Variants in ASPM observed in about 807,000 individuals in gnomAD.
ASPM encodes abnormal spindle-like microcephaly-associated protein.
A neutral mutation model predicts 366.4 loss-of-function variants in ASPM; 256 were observed. That is an observed-to-expected ratio of 0.70 (90% CI 0.63 to 0.77). ASPM has a LOEUF of 0.77. ASPM is among the 30% of genes least tolerant of loss of function. The probability of loss-of-function intolerance (pLI) is 0.00; values close to 1 mark genes in which losing one functional copy is unlikely to be tolerated. For synonymous variants in ASPM, 1,414 were observed against 1,342.9 expected, an observed-to-expected ratio of 1.05 and a Z score of -1.16; for missense variants, 4,146 against 4,090.4, an observed-to-expected ratio of 1.01 and a Z score of -0.37.
chr1:197,110,962 T>C (rs1185486333), intron 17 of ASPM, among the ~76,000 whole-genome samples: 1 of 152,046 alleles, frequency 6.6e-6, no homozygotes, highest in Non-Finnish European at 1.5e-5. Context: ...GACTTAAATG[T>C]AAGACCCAAA....
intron 7 of ASPM, 70 bp from the exon 8 acceptor site, chr1:197,130,126 T>C: frequency 6.7e-7 from 1 of 1,503,514 alleles, no homozygotes; most frequent in Non-Finnish European, 9.2e-7. Flanking sequence ...GACTGAGGAA[T>C]GGCAGACCAT....
At position 197,105,686 on chromosome 1, in the gene ASPM, A is replaced by G. The variant is rs186745669; in HGVS notation, c.4066-501T>C. Among the ~76,000 whole-genome samples, 36 of 152,128 alleles carry G rather than the reference A, an allele frequency of 2.4e-4. No homozygotes were observed. The East Asian group carries it at 6.8e-3, about 29-fold the overall frequency. ...AGGAATTTAGGAATAAATAAACCAGATCACTCTCAGAGTCATTATTTTCAT... is the reference window on the plus strand; with the variant it reads ...AGGAATTTAGGAATAAATAAACCAGGTCACTCTCAGAGTCATTATTTTCAT... On this transcript the variant is annotated intron_variant, in intron 17 of 27. Coordinates refer to ENST00000367409, the MANE Select transcript of ASPM (RefSeq NM_018136.5).
In ASPM at chr1:197,103,885, T is replaced by C; in HGVS notation, c.5366A>G (p.Lys1789Arg). 6.2e-7 allele frequency: 1 copy of C among 1,612,894 alleles called. No individual in the cohort carries two copies. The highest frequency in any genetic ancestry group is 8.5e-7 in the Non-Finnish European group (1 of 1,179,288). The part of the protein sequence containing the change: ...IVIQNYYHAY[K>R]AQVNQRKNFL... ...GTTCTTCCTCTGATTGACCTGTGCT[T>C]TGTATGCATGATAGTAATTCTGAAT... The change falls in exon 18 of 28, where the codon AAA becomes AGA. Residue 1789 changes from lysine (K) to arginine (R), a missense_variant. Physicochemically the swap from Lys to Arg is conservative, Grantham distance 26 (BLOSUM62 2). Coordinates refer to ENST00000367409, the MANE Select transcript of ASPM (RefSeq NM_018136.5).
chr1:197,109,569 T>C (rs1657524964), intron 17 of ASPM, among the ~76,000 whole-genome samples: 1 of 152,060 alleles, frequency 6.6e-6, no homozygotes, highest in Non-Finnish European at 1.5e-5. Flanking sequence ...AGATATTGAA[T>C]CTTACCACTC....
At chr1:197,097,380 G>A (rs1657013543) in intron 18 of ASPM, among the ~76,000 whole-genome samples, 1 of 151,694 alleles carries the variant, frequency 6.6e-6, no homozygotes, top group African/African-American at 2.4e-5. Context: ...TTGACTCTTT[G>A]TTCAGGGCTC....
At chr1:197,131,821 A>G (rs2125108667) in intron 7 of ASPM, among the ~76,000 whole-genome samples, 1 of 150,560 alleles carries the variant, frequency 6.6e-6, no homozygotes, top group South Asian at 2.1e-4. Flanking sequence ...AGTCTCCCAA[A>G]GTGCTCGGAT....
chr1:197,111,951 G>A (rs1657599856), intron 17 of ASPM, among the ~76,000 whole-genome samples: 1 of 152,128 alleles, frequency 6.6e-6, no homozygotes, highest in South Asian at 2.1e-4. Context: ...AAGACAGTGT[G>A]GTGATTTCTC....
rs377516797 is a variant in ASPM at position 197,102,708 on chromosome 1, T to A, written c.6543A>T (p.Arg2181Ser). The change falls in exon 18 of 28, where the codon AGA becomes AGT. Residue 2181 changes from arginine to serine, a missense_variant. By Grantham distance (110) the Arg-to-Ser change is moderately radical (BLOSUM62 -1). This residue lies in a region of ASPM where 3,624 missense variants were observed against 3,591.7 expected (regional missense o/e 1.01). Coordinates refer to ENST00000367409, the MANE Select transcript of ASPM (RefSeq NM_018136.5). ...KVLQASFRGV[R>S]VRRTLRKMQT... Reference sequence around the variant, plus strand: ...GCATCTTTCTAAGAGTCCGTCTAACTCTTACTCCTCTAAAACTTGCCTGAA... The same window carrying A: ...GCATCTTTCTAAGAGTCCGTCTAACACTTACTCCTCTAAAACTTGCCTGAA... 3.7e-6 allele frequency: 6 copies of A among 1,612,794 alleles called. No individual in the cohort carries two copies. Among genetic ancestry groups the A allele is most frequent in the Non-Finnish European group, 4.2e-6 (5 of 1,179,302 alleles).
At chr1:197,127,340 A>G (rs552383726) in intron 10 of ASPM, among the ~76,000 whole-genome samples, 157 of 152,328 alleles carry the variant, frequency 1.0e-3, no homozygotes, top group African/African-American at 3.6e-3. Context: ...AGGGTCAGCT[A>G]AAGAGTTTGT....
At chr1:197,127,162 T>C (rs181657722) in intron 10 of ASPM, among the ~76,000 whole-genome samples, 64 of 152,326 alleles carry the variant, frequency 4.2e-4, no homozygotes, top group Non-Finnish European at 6.2e-4. Flanking sequence ...GTTTTCTAGT[T>C]TATACTCTAA....
intron 17 of ASPM, among the ~76,000 whole-genome samples, chr1:197,108,196 TAA>T (rs1222590485): frequency 6.8e-6 from 1 of 146,046 alleles, no homozygotes; most frequent in East Asian, 2.3e-4. Context: ...CAAGAGAAAT[TAA>T]AAACTATTTG....
At chr1:197,124,453 T>C in intron 12 of ASPM, 122 bp from the exon 13 acceptor site, 1 of 791,594 alleles carries the variant, frequency 1.3e-6, no homozygotes, top group Non-Finnish European at 2.0e-6. Context: ...ACCAGGAAGT[T>C]AAAAAAATCA....
At chr1:197,134,985 A>C in intron 5 of ASPM, 111 bp downstream of exon 5, 1 of 902,310 alleles carries the variant, frequency 1.1e-6, no homozygotes, top group Non-Finnish European at 1.7e-6. Flanking sequence ...ATGAACAGGG[A>C]ATTATGCCAT....
In ASPM at chr1:197,124,196, C is replaced by T; in HGVS notation, c.3304G>A (p.Asp1102Asn). The T allele has an allele frequency of 6.2e-7, 1 of 1,612,384 alleles. No homozygotes were observed. The highest frequency in any genetic ancestry group is 1.1e-5 in the South Asian group (1 of 90,972). Residue 1102 changes from aspartate (D) to asparagine (N), a missense_variant, in exon 13 of 28, where the codon GAT (aspartate) becomes AAT (asparagine). By Grantham distance (23) the Asp-to-Asn change is conservative. Coordinates refer to ENST00000367409, the MANE Select transcript of ASPM (RefSeq NM_018136.5). ...DLINKKKGKR[D>N]SGSFEQYSEN... Reference sequence around the variant, plus strand: ...CTATATTGTTCAAAGGAACCACTATCCCTTTTGCCTTTTTTCTTATTAATA... The same window carrying T: ...CTATATTGTTCAAAGGAACCACTATTCCTTTTGCCTTTTTTCTTATTAATA...
chr1:197,116,895 C>A (rs1461701362), intron 17 of ASPM, among the ~76,000 whole-genome samples: 1 of 152,030 alleles, frequency 6.6e-6, no homozygotes, highest in Non-Finnish European at 1.5e-5. Context: ...AGGAAAATGG[C>A]ATGATTAGCA....
chr1:197,084,776 C>A (rs1244967372), intron 27 of ASPM, among the ~76,000 whole-genome samples: 1 of 152,132 alleles, frequency 6.6e-6, no homozygotes, highest in Non-Finnish European at 1.5e-5. Flanking sequence ...ATCTATGTGG[C>A]CAAAAAGCCA....
At chr1:197,117,347 T>C (rs1178436001) in intron 17 of ASPM, among the ~76,000 whole-genome samples, 1 of 152,000 alleles carries the variant, frequency 6.6e-6, no homozygotes, top group Non-Finnish European at 1.5e-5. Context: ...ATAATATAGG[T>C]ATTCTATAGA....
chr1:197,101,045 A>T lies in ASPM; in HGVS notation c.8206T>A (p.Leu2736Ile). ...GTTCGTACAGATTTCTGAACTGCTA[A>T]AAAGTTTTTTCTTTCTGTTTTTACT... ...VRVKTERKNF[L>I]AVQKSVRTIQ... is the part of the protein sequence containing the mutation. Residue 2736 changes from leucine to isoleucine, a missense_variant, in exon 18 of 28, where the codon TTA becomes ATA. Physicochemically the swap from Leu to Ile is conservative, Grantham distance 5. Coordinates refer to ENST00000367409, the MANE Select transcript of ASPM (RefSeq NM_018136.5). 1 of 1,611,676 alleles carries T rather than the reference A, an allele frequency of 6.2e-7. No homozygotes were observed.
At position 197,104,151 on chromosome 1, in the gene ASPM, A is replaced by G. The variant is rs1160122850; in HGVS notation, c.5100T>C (p.His1700=). The stretch of plus-strand genomic sequence containing the variant: ...GGATAAATAGTGCAGCTGCTCTTAA[A>G]TGCAAATATTGTTTACGTGTTTGTT... The part of the protein sequence containing the change: ...KMKQTRKQYL[H]LRAAALFIQQ... The change falls in exon 18 of 28, where the codon CAT becomes CAC. Residue 1700 remains histidine (H), a synonymous_variant. Transcript: ENST00000367409. 3.1e-6 allele frequency: 5 copies of G among 1,612,896 alleles called. No homozygotes were observed. The highest frequency in any genetic ancestry group is 4.2e-6 in the Non-Finnish European group (5 of 1,179,398).
Sources: gnomAD v4.1 joint callset for allele counts (sites outside exome capture counted in the v4.1 genomes callset) on GRCh38, gnomAD v4.1.1 for gene constraint, gnomAD v4.1.1 regional missense constraint, MANE v1.5 for transcripts, NCBI Gene and HGNC (gene_info 2026-07-23, HGNC 2026-07-21) for gene names.